The following FAM168A variants were observed in gnomAD, a reference collection of about 807,000 sequenced individuals.
FAM168A encodes family with sequence similarity 168 member A.
In FAM168A, 3 loss-of-function variants were observed where a neutral mutation model predicts 28.5. That is an observed-to-expected ratio of 0.11 (90% CI 0.05 to 0.27). The LOEUF is 0.27. Ranked by LOEUF, FAM168A falls within the 10% of genes least tolerant of loss-of-function variation. The probability of loss-of-function intolerance (pLI) is 1.00; values close to 1 mark genes in which losing one functional copy is unlikely to be tolerated. For synonymous variants in FAM168A, 122 were observed against 124.2 expected (o/e 0.98, Z 0.12); for missense variants, 222 against 311.5 (o/e 0.71, Z 2.16).
intron 2 of FAM168A, among the ~76,000 whole-genome samples, chr11:73,445,419 C>CTCTTTTTTTTTTTTTTT (rs776745757): frequency 5.9e-5 from 3 of 50,434 alleles, no homozygotes; most frequent in Admixed American, 3.2e-4. Context: ...AAAAATGTCT[C>CTCTTTTTTTTTTTTTTT]TTTTTTTTTT....
chr11:73,575,460 A>G (rs956264669), intron 1 of FAM168A, among the ~76,000 whole-genome samples: 3 of 152,220 alleles, frequency 2.0e-5, no homozygotes, highest in Non-Finnish European at 4.4e-5. Flanking sequence ...TAAGCTTTGA[A>G]TCTGGTAAAC....
At chr11:73,464,226 A>C (rs917054301) in intron 2 of FAM168A, among the ~76,000 whole-genome samples, 2 of 151,928 alleles carry the variant, frequency 1.3e-5, no homozygotes, top group Non-Finnish European at 1.5e-5. Context: ...AAAATCCCAC[A>C]AAAGTTCTTT....
At chr11:73,499,086 C>G (rs1029457912) in intron 1 of FAM168A, among the ~76,000 whole-genome samples, 1 of 152,172 alleles carries the variant, frequency 6.6e-6, no homozygotes, top group Non-Finnish European at 1.5e-5. Context: ...ACACCCTATA[C>G]AGGAGCAATC....
chr11:73,412,469 G>A (rs1488688506), intron 4 of FAM168A, among the ~76,000 whole-genome samples: 1 of 152,164 alleles, frequency 6.6e-6, no homozygotes, highest in Non-Finnish European at 1.5e-5. Flanking sequence ...TAATCCTCCG[G>A]AAAAGAGTGA....
intron 1 of FAM168A, among the ~76,000 whole-genome samples, chr11:73,469,103 T>C (rs533334759): frequency 6.6e-6 from 1 of 152,288 alleles, no homozygotes; most frequent in East Asian, 1.9e-4. Flanking sequence ...AACAAGGAAA[T>C]ATGGCTAGGA....
intron 1 of FAM168A, among the ~76,000 whole-genome samples, chr11:73,509,790 G>C (rs1254804355): frequency 6.6e-6 from 1 of 152,090 alleles, no homozygotes; most frequent in African/African-American, 2.4e-5. Flanking sequence ...TAAAGAGGAA[G>C]AGAAGTATGT....
At chr11:73,409,333 TAG>T (rs1866565564) in intron 6 of FAM168A, among the ~76,000 whole-genome samples, 152 bp downstream of exon 6, 1 of 152,162 alleles carries the variant, frequency 6.6e-6, no homozygotes, top group South Asian at 2.1e-4. Flanking sequence ...CTCATCCCCA[TAG>T]ACAGATTTAG....
intron 1 of FAM168A, among the ~76,000 whole-genome samples, chr11:73,557,647 G>A (rs1193131707): frequency 2.0e-5 from 3 of 152,086 alleles, no homozygotes; most frequent in African/African-American, 7.2e-5. Context: ...ACCTCTTTTT[G>A]TAGAACTGGA....
At chr11:73,542,544 T>C (rs1025463168) in intron 1 of FAM168A, among the ~76,000 whole-genome samples, 4 of 152,232 alleles carry the variant, frequency 2.6e-5, no homozygotes, top group Admixed American at 1.3e-4. Context: ...TTTTTAACTA[T>C]TGTAACAGCC....
At chr11:73,442,835 TTTC>T (rs1486451284) in intron 2 of FAM168A, among the ~76,000 whole-genome samples, 1 of 137,992 alleles carries the variant, frequency 7.2e-6, no homozygotes, top group South Asian at 2.2e-4. Flanking sequence ...TCTTTCTTTC[TTTC>T]TTTTTTTTTT....
At chr11:73,581,023 T>C (rs1026791506) in intron 1 of FAM168A, among the ~76,000 whole-genome samples, 1 of 152,322 alleles carries the variant, frequency 6.6e-6, no homozygotes, top group African/African-American at 2.4e-5. Flanking sequence ...CGTTTCTAGA[T>C]TGTGGATCTT....
chr11:73,503,909 T>C (rs1386212855), intron 1 of FAM168A, among the ~76,000 whole-genome samples: 1 of 152,122 alleles, frequency 6.6e-6, no homozygotes, highest in Non-Finnish European at 1.5e-5. Context: ...GGGGAAAGGA[T>C]CTCCTATTCA....
At chr11:73,506,813 C>T (rs910881460) in intron 1 of FAM168A, among the ~76,000 whole-genome samples, 23 of 152,236 alleles carry the variant, frequency 1.5e-4, no homozygotes, top group African/African-American at 5.1e-4. Flanking sequence ...ACATTAAGTA[C>T]TAATAGTAAA....
chr11:73,458,244 C>A lies in FAM168A; in HGVS notation c.70+10161G>T, dbSNP rs1386316366. On this transcript the variant is annotated intron_variant, in intron 2 of 7. Transcript: ENST00000356467. The stretch of plus-strand genomic sequence containing the variant: ...TAGGAGCAGAAAAATAATAACCCAA[C>A]AACAGCAATACTTCTTTGTTTGGGA... Among the ~76,000 whole-genome samples, 2 of 152,124 alleles carry A rather than the reference C, an allele frequency of 1.3e-5. 1 individual carries two copies. The highest frequency in any genetic ancestry group is 6.3e-3 in the Middle Eastern group (2 of 316).
At chr11:73,557,402 T>A (rs1353899347) in intron 1 of FAM168A, among the ~76,000 whole-genome samples, 1 of 152,010 alleles carries the variant, frequency 6.6e-6, no homozygotes, top group Non-Finnish European at 1.5e-5. Flanking sequence ...TTTTTTTTTT[T>A]AATTTTTAGC....
At chr11:73,492,920 C>A (rs1397198041) in intron 1 of FAM168A, among the ~76,000 whole-genome samples, 3 of 152,110 alleles carry the variant, frequency 2.0e-5, no homozygotes, top group Non-Finnish European at 4.4e-5. Flanking sequence ...CAAATGAATG[C>A]AGAAACAGAA....
chr11:73,583,815 G>A (rs563348063), intron 1 of FAM168A, among the ~76,000 whole-genome samples: 106 of 152,334 alleles, frequency 7.0e-4, no homozygotes, highest in African/African-American at 2.4e-3. Flanking sequence ...GACAATAAAT[G>A]ACAATGGTGA....
intron 1 of FAM168A, among the ~76,000 whole-genome samples, chr11:73,474,309 G>A (rs1256169113): frequency 2.7e-5 from 4 of 150,668 alleles, no homozygotes; most frequent in Non-Finnish European, 5.9e-5. Context: ...ATCTATTCCT[G>A]AAAGCCTTTT....
rs986777794 is a variant in FAM168A, at chr11:73,462,124, A to G, written c.70+6281T>C. On this transcript the variant is annotated intron_variant, in intron 2 of 7. Coordinates refer to ENST00000356467, the MANE Select transcript of FAM168A (RefSeq NM_015159.3). ...CAATTCCACTTCTGGATATATACCC[A>G]AAAGAATTGAAAGCAAGGTCTTCAA... Among the ~76,000 whole-genome samples the G allele has an allele frequency of 2.0e-5, 3 of 152,252 alleles. No homozygotes were observed. In the East Asian group the frequency reaches 5.8e-4, roughly 29 times the overall value.
Sources: gnomAD v4.1 joint callset for allele counts (sites outside exome capture counted in the v4.1 genomes callset) on GRCh38, gnomAD v4.1.1 for gene constraint, MANE v1.5 for transcripts, NCBI Gene and HGNC (gene_info 2026-07-23, HGNC 2026-07-21) for gene names.